Variants in CFAP299 observed in about 807,000 individuals in gnomAD.
CFAP299 encodes cilia- and flagella-associated protein 299.
A neutral mutation model predicts 27.0 loss-of-function variants in CFAP299; 21 were observed. The ratio of observed to expected loss-of-function variants is 0.78; its 90% confidence interval spans 0.55 to 1.12. The LOEUF (loss-of-function observed/expected upper bound fraction) is 1.12, where lower values mean the gene tolerates loss of function less well. Among genes scored for constraint, CFAP299 ranks in the 50% most tolerant of loss-of-function variants. The probability of loss-of-function intolerance (pLI) is 0.00; values close to 1 mark genes in which losing one functional copy is unlikely to be tolerated. For synonymous variants in CFAP299, 104 were observed against 98.1 expected (o/e 1.06, Z -0.36); for missense variants, 310 against 276.6 (o/e 1.12, Z -0.86).
At chr4:80,590,226 ATTCGTTCC>A (rs1736659769) in intron 3 of CFAP299, among the ~76,000 whole-genome samples, 2 of 152,208 alleles carry the variant, frequency 1.3e-5, no homozygotes, top group South Asian at 4.1e-4. Flanking sequence ...TCACTGATGA[ATTCGTTCC>A]TTCTTGTGTC....
At chr4:80,912,647 G>A (rs906357336) in intron 4 of CFAP299, among the ~76,000 whole-genome samples, 9 of 152,186 alleles carry the variant, frequency 5.9e-5, no homozygotes, top group Admixed American at 5.2e-4. Context: ...AAGCCCAAGG[G>A]TCAGTGGTTA....
chr4:80,541,427 GA>G (rs1410261707), intron 2 of CFAP299, among the ~76,000 whole-genome samples: 1 of 152,092 alleles, frequency 6.6e-6, no homozygotes, highest in African/African-American at 2.4e-5. Context: ...ATATGTACAA[GA>G]ACCTTAGGAT....
At chr4:80,644,877 G>T (rs62305197) in intron 3 of CFAP299, among the ~76,000 whole-genome samples, 2 of 152,024 alleles carry the variant, frequency 1.3e-5, no homozygotes, top group Admixed American at 6.6e-5. Context: ...AAAAATATGA[G>T]CAGAAAAAAA....
chr4:80,549,644 T>A (rs1354188063), intron 2 of CFAP299, among the ~76,000 whole-genome samples: 1 of 152,154 alleles, frequency 6.6e-6, no homozygotes, highest in Middle Eastern at 3.2e-3. Flanking sequence ...TTGATGAAGT[T>A]CTTGTAGGCC....
chr4:80,605,410 A>C (rs1399140535), intron 3 of CFAP299, among the ~76,000 whole-genome samples: 1 of 152,202 alleles, frequency 6.6e-6, no homozygotes. Context: ...TTAAACATAA[A>C]AAGACACTAA....
chr4:80,938,578 C>A (rs1301827921), intron 4 of CFAP299, among the ~76,000 whole-genome samples: 1 of 152,176 alleles, frequency 6.6e-6, no homozygotes, highest in Admixed American at 6.6e-5. Flanking sequence ...CTGTTAGAGA[C>A]TCTCAGCTCT....
Position 80,494,283 on chromosome 4 carries a change from C to G in CFAP299, c.243-88810C>G, listed in dbSNP as rs567354215. Among the ~76,000 whole-genome samples, 98 of 152,344 alleles carry G rather than the reference C, an allele frequency of 6.4e-4. 1 individual carries two copies. Among genetic ancestry groups the G allele is most frequent in the African/African-American group, 2.2e-3 (91 of 41,586 alleles). On this transcript the variant is annotated intron_variant, in intron 2 of 5. Coordinates refer to ENST00000358105, the MANE Select transcript of CFAP299 (RefSeq NM_152770.3). Reference sequence around the variant, plus strand: ...TATCTCAAGCTCTTCCCATTATCCTCACTATCTTCCCACCAGCTCTTCGCA... The same window carrying G: ...TATCTCAAGCTCTTCCCATTATCCTGACTATCTTCCCACCAGCTCTTCGCA...
chr4:80,773,577 T>A (rs1392120539), intron 3 of CFAP299, among the ~76,000 whole-genome samples: 1 of 152,122 alleles, frequency 6.6e-6, no homozygotes, highest in African/African-American at 2.4e-5. Flanking sequence ...TTTTCCATAG[T>A]GGGTAATTTT....
chr4:80,432,355 G>A lies in CFAP299; in HGVS notation c.242+69471G>A, dbSNP rs191656983. Among the ~76,000 whole-genome samples the A allele has an allele frequency of 2.8e-3, 427 of 151,994 alleles. 3 individuals carry two copies. The highest frequency in any genetic ancestry group is 0.01 in the African/African-American group (418 of 41,454). On this transcript the variant is annotated intron_variant, in intron 2 of 5. Coordinates refer to ENST00000358105, the MANE Select transcript of CFAP299 (RefSeq NM_152770.3). ...TTTAGTAGAGACGGGGTTTCACCATGTTGATCAGGCTGGTCTCGAACTCCT... is the reference window on the plus strand; with the variant it reads ...TTTAGTAGAGACGGGGTTTCACCATATTGATCAGGCTGGTCTCGAACTCCT...
chr4:80,491,236 C>T (rs948554471), intron 2 of CFAP299, among the ~76,000 whole-genome samples: 5 of 151,906 alleles, frequency 3.3e-5, no homozygotes, highest in African/African-American at 4.8e-5. Flanking sequence ...ATAGTTTTAT[C>T]GTTTAAAAAT....
At chr4:80,925,407 G>A (rs1266825983) in intron 4 of CFAP299, among the ~76,000 whole-genome samples, 1 of 151,948 alleles carries the variant, frequency 6.6e-6, no homozygotes, top group South Asian at 2.1e-4. Context: ...TTAGTCTCCA[G>A]TGGGGTGTCT....
chr4:80,553,704 TA>T (rs774238159), intron 2 of CFAP299, among the ~76,000 whole-genome samples: 5 of 152,234 alleles, frequency 3.3e-5, no homozygotes, highest in Non-Finnish European at 1.5e-5. Context: ...TTGACTGGTG[TA>T]AGATGGTATC....
chr4:80,839,166 T>A (rs936211740), intron 3 of CFAP299, among the ~76,000 whole-genome samples: 1 of 152,188 alleles, frequency 6.6e-6, no homozygotes, highest in Non-Finnish European at 1.5e-5. Context: ...ATTATGCTTT[T>A]TCATATTCCT....
chr4:80,680,668 C>T (rs753838430), intron 3 of CFAP299, among the ~76,000 whole-genome samples: 6 of 152,244 alleles, frequency 3.9e-5, no homozygotes, highest in East Asian at 1.9e-4. Flanking sequence ...GGGATTTTTA[C>T]AGTAAAAACT....
chr4:80,531,591 G>A (rs1057001359), intron 2 of CFAP299, among the ~76,000 whole-genome samples: 4 of 152,100 alleles, frequency 2.6e-5, no homozygotes, highest in African/African-American at 7.2e-5. Flanking sequence ...TGCAGCAACT[G>A]ATAGTCACCT....
At chr4:80,599,867 A>G (rs1241957256) in intron 3 of CFAP299, among the ~76,000 whole-genome samples, 1 of 152,260 alleles carries the variant, frequency 6.6e-6, no homozygotes, top group Non-Finnish European at 1.5e-5. Context: ...ATGGGCCTTT[A>G]GCAATGATGC....
intron 4 of CFAP299, among the ~76,000 whole-genome samples, chr4:80,915,311 A>G (rs1735688932): frequency 6.6e-6 from 1 of 151,742 alleles, no homozygotes. Context: ...ATGTCACTGA[A>G]TTTTCTCTAG....
At chr4:80,803,561 G>C (rs1030194733) in intron 3 of CFAP299, among the ~76,000 whole-genome samples, 11 of 151,854 alleles carry the variant, frequency 7.2e-5, no homozygotes, top group African/African-American at 2.7e-4. Flanking sequence ...GCAAGGGGAA[G>C]TTTACATTTA....
intron 3 of CFAP299, among the ~76,000 whole-genome samples, chr4:80,854,047 G>T (rs1397086554): frequency 6.6e-6 from 1 of 152,154 alleles, no homozygotes; most frequent in Non-Finnish European, 1.5e-5. Context: ...GACTAAGCCT[G>T]GGAGAACTCC....
Sources: gnomAD v4.1 joint callset for allele counts (sites outside exome capture counted in the v4.1 genomes callset) on GRCh38, gnomAD v4.1.1 for gene constraint, MANE v1.5 for transcripts, NCBI Gene and HGNC (gene_info 2026-07-23, HGNC 2026-07-21) for gene names.